ITPRID1: variants seen among roughly 807,000 people sequenced by gnomAD.
ITPRID1 encodes the protein protein ITPRID1.
Under a neutral mutation model 95.4 loss-of-function variants are expected in ITPRID1, and 96 were observed. The observed-to-expected ratio is 1.01, with a 90% CI of 0.85 to 1.19. ITPRID1 has a LOEUF of 1.19. Among genes scored for constraint, ITPRID1 ranks in the 50% most tolerant of loss-of-function variants. The pLI is 0.00. For synonymous variants in ITPRID1, 510 were observed against 453.6 expected (o/e 1.12, Z -1.58); for missense variants, 1,339 against 1,252.9 (o/e 1.07, Z -1.04).
chr7:31,621,101 A>G (rs1266754936), intron 10 of ITPRID1, among the ~76,000 whole-genome samples: 1 of 152,054 alleles, frequency 6.6e-6, no homozygotes, highest in African/African-American at 2.4e-5. Flanking sequence ...GAAATATGGG[A>G]CTATGTGAAA....
At chr7:31,623,508 C>G (rs1175244768) in intron 10 of ITPRID1, among the ~76,000 whole-genome samples, 1 of 151,838 alleles carries the variant, frequency 6.6e-6, no homozygotes, top group African/African-American at 2.4e-5. Flanking sequence ...AAAAATGACA[C>G]GATTATCTCA....
At chr7:31,531,443 T>C (rs978459911) in intron 1 of ITPRID1, among the ~76,000 whole-genome samples, 4 of 152,208 alleles carry the variant, frequency 2.6e-5, no homozygotes, top group East Asian at 1.9e-4. Context: ...TTCGTTGTTA[T>C]CGTTTCTTTC....
chr7:31,648,693 T>C (rs1014030013), intron 12 of ITPRID1, among the ~76,000 whole-genome samples: 1 of 152,126 alleles, frequency 6.6e-6, no homozygotes. Flanking sequence ...GGCGTCACTG[T>C]CCCCAGAACT....
intron 1 of ITPRID1, among the ~76,000 whole-genome samples, chr7:31,543,265 CTT>C (rs1783987704): frequency 6.6e-6 from 1 of 152,012 alleles, no homozygotes; most frequent in Non-Finnish European, 1.5e-5. Context: ...TTTGTGGTGT[CTT>C]TTCTGTTTTC....
chr7:31,532,885 G>A (rs889596826), intron 1 of ITPRID1, among the ~76,000 whole-genome samples: 1 of 152,034 alleles, frequency 6.6e-6, no homozygotes, highest in African/African-American at 2.4e-5. Flanking sequence ...CCCTGCTTGG[G>A]TTATCCATTT....
intron 10 of ITPRID1, among the ~76,000 whole-genome samples, chr7:31,593,414 C>T (rs935289404): frequency 5.9e-5 from 9 of 152,084 alleles, no homozygotes; most frequent in Non-Finnish European, 1.5e-5. Context: ...AAAGCCCCTA[C>T]AAATCAATGA....
intron 10 of ITPRID1, among the ~76,000 whole-genome samples, chr7:31,593,345 C>T (rs984250043): frequency 2.6e-5 from 4 of 152,062 alleles, no homozygotes; most frequent in Non-Finnish European, 5.9e-5. Context: ...AATCATGCAT[C>T]ATTACATACC....
intron 6 of ITPRID1, among the ~76,000 whole-genome samples, chr7:31,570,986 C>T (rs1038950676): frequency 2.6e-5 from 4 of 151,768 alleles, no homozygotes; most frequent in African/African-American, 9.7e-5. Flanking sequence ...CTCAACCTTA[C>T]AGAACAGAAG....
At position 31,651,171 on chromosome 7, in the gene ITPRID1, G is replaced by GTTTCCGGGAGTATTT. The variant is rs1389607672; in HGVS notation, c.2613_2614insTTTCCGGGAGTATTT (p.Lys871_Thr872insPheProGlyValPhe). ...CAGTCCATGAGATGGAAGCCATGAAGACGATATGCCAAAGTTTCCGGGAGT... is the reference window on the plus strand; with the variant it reads ...CAGTCCATGAGATGGAAGCCATGAAGTTTCCGGGAGTATTTACGATATGCCAAAGTTTCCGGGAGT... On this transcript the variant is annotated inframe_insertion, in exon 13 of 15. Coordinates refer to ENST00000615280, the MANE Select transcript of ITPRID1 (RefSeq NM_001257967.3). The GTTTCCGGGAGTATTT allele has an allele frequency of 6.2e-7, 1 of 1,613,530 alleles. No homozygotes were observed. The highest frequency in any genetic ancestry group is 1.1e-5 in the South Asian group (1 of 91,046).
chr7:31,637,189 A>G (rs1047727634), intron 10 of ITPRID1, among the ~76,000 whole-genome samples: 48 of 152,046 alleles, frequency 3.2e-4, no homozygotes, highest in South Asian at 4.1e-4. Context: ...TAGTGCCGCA[A>G]TAAACATACG....
intron 5 of ITPRID1, among the ~76,000 whole-genome samples, chr7:31,557,297 A>G: frequency 6.6e-6 from 1 of 152,074 alleles, no homozygotes; most frequent in Non-Finnish European, 1.5e-5. Flanking sequence ...TAGCAGCAAG[A>G]TCTAAGTGTC....
rs373855014 is a variant in ITPRID1 at position 31,642,237 on chromosome 7, G to A, written c.1290G>A (p.Pro430=). The A allele has an allele frequency of 3.2e-5, 50 of 1,553,766 alleles. 1 individual carries two copies. The Admixed American group carries it at 3.3e-4, about 10-fold the overall frequency. ...QSDSSGFLEE[P]LEPLPLQMPS... ...ACAGCAGCGGGTTCCTGGAGGAGCC[G>A]CTGGAACCGCTGCCCCTCCAGGTAG... Residue 430 remains proline (P), a synonymous_variant, in exon 11 of 15, where the codon CCG becomes CCA. Coordinates refer to ENST00000615280, the MANE Select transcript of ITPRID1 (RefSeq NM_001257967.3).
At chr7:31,638,174 T>C (rs934662001) in intron 10 of ITPRID1, among the ~76,000 whole-genome samples, 1 of 152,162 alleles carries the variant, frequency 6.6e-6, no homozygotes, top group Admixed American at 6.6e-5. Flanking sequence ...GTACCCACAG[T>C]TGATATAAGG....
chr7:31,622,215 G>A (rs1787978754), intron 10 of ITPRID1, among the ~76,000 whole-genome samples: 1 of 143,702 alleles, frequency 7.0e-6, no homozygotes, highest in Non-Finnish European at 1.5e-5. Context: ...AAGTCAACAA[G>A]GATACCCAGG....
chr7:31,651,940 G>A lies in ITPRID1; in HGVS notation c.2713G>A (p.Glu905Lys). ...FSRDMSEEER[E>K]EAEQLQTLRE... is the part of the protein sequence containing the mutation. ...TTATTTTCTATTATTTACTTGCAGGGAGGAGGCCGAGCAACTGCAAACGTT... is the reference window on the plus strand; with the variant it reads ...TTATTTTCTATTATTTACTTGCAGGAAGGAGGCCGAGCAACTGCAAACGTT... Residue 905 changes from glutamate to lysine, a missense_variant and splice_region_variant, in exon 14 of 15, where the codon GAG becomes AAG. By Grantham distance (56) the Glu-to-Lys change is moderately conservative. Transcript: ENST00000615280. The A allele has an allele frequency of 1.3e-6, 2 of 1,588,418 alleles. No individual in the cohort carries two copies. Among genetic ancestry groups the A allele is most frequent in the Non-Finnish European group, 1.7e-6 (2 of 1,166,810 alleles).
chr7:31,557,476 T>C (rs1298912741), intron 5 of ITPRID1, among the ~76,000 whole-genome samples: 1 of 152,166 alleles, frequency 6.6e-6, no homozygotes, highest in Non-Finnish European at 1.5e-5. Flanking sequence ...CCTTTTATGA[T>C]GACTCTCTGG....
chr7:31,631,458 C>T (rs150989100), intron 10 of ITPRID1, among the ~76,000 whole-genome samples: 145 of 152,232 alleles, frequency 9.5e-4, no homozygotes, highest in Middle Eastern at 3.4e-3. Context: ...CATTTTCTTA[C>T]GTGGTTAGGT....
intron 3 of ITPRID1, among the ~76,000 whole-genome samples, chr7:31,554,039 C>T (rs1226657913): frequency 2.0e-5 from 3 of 152,132 alleles, no homozygotes; most frequent in Non-Finnish European, 4.4e-5. Context: ...CAGAGAACTC[C>T]TTGCAAATAA....
rs182391435 is a variant in ITPRID1, at chr7:31,629,419, G to A, written c.1229-12757G>A. Reference sequence around the variant, plus strand: ...ATGCCACGAAGCTCCAGGCACAATGGCCTGTTTTCCTTCCCCTGGACAGAA... The same window carrying A: ...ATGCCACGAAGCTCCAGGCACAATGACCTGTTTTCCTTCCCCTGGACAGAA... On this transcript the variant is annotated intron_variant, in intron 10 of 14. Coordinates refer to ENST00000615280, the MANE Select transcript of ITPRID1 (RefSeq NM_001257967.3). 8.9e-4 allele frequency among the ~76,000 whole-genome samples: 136 copies of A among 152,278 alleles called. 2 individuals are homozygous for A. Among genetic ancestry groups the A allele is most frequent in the African/African-American group, 3.1e-3 (127 of 41,554 alleles).
Sources: allele counts gnomAD v4.1 joint callset (sites outside exome capture counted in the v4.1 genomes callset), GRCh38; gene constraint gnomAD v4.1.1; transcripts MANE v1.5; gene names NCBI Gene and HGNC (gene_info 2026-07-23, HGNC 2026-07-21).